Variants in TMEM18 observed in about 807,000 individuals in gnomAD.
TMEM18 encodes the protein transmembrane protein 18.
TMEM18 carries 14 observed loss-of-function variants against 17.4 expected under a neutral mutation model. The ratio of observed to expected loss-of-function variants is 0.80; its 90% CI spans 0.53 to 1.25. The LOEUF is 1.25. TMEM18 is among the 50% of genes most tolerant of loss of function. The pLI, the probability that TMEM18 is intolerant of heterozygous loss-of-function variation, is 0.00. For missense variants in TMEM18, 187 were observed against 172.1 expected, an observed-to-expected ratio of 1.09 and a Z score of -0.48; for synonymous variants, 86 against 66.1, an observed-to-expected ratio of 1.30 and a Z score of -1.46.
Position 666,310 on chromosome 2 carries a change from C to T in TMEM18, c.*3270G>A, listed in dbSNP as rs1275808997. Among the ~76,000 whole-genome samples the T allele has an allele frequency of 6.6e-6, 1 of 152,188 alleles. No individual in the cohort carries two copies. Among genetic ancestry groups the T allele is most frequent in the Non-Finnish European group, 1.5e-5 (1 of 68,038 alleles). ...AGGCTGCAGGGAGCTCCTTCTCTGT[C>T]CTCAGGTTCCTTTCAGGGCCTGTGC... is the stretch of plus-strand genomic sequence containing the variant. On this transcript the variant is annotated 3_prime_UTR_variant, in exon 5 of 5. Coordinates refer to ENST00000281017, the MANE Select transcript of TMEM18 (RefSeq NM_152834.4).
Position 664,406 on chromosome 2 carries a change from T to G in TMEM18, c.*5174A>C, listed in dbSNP as rs1678622716. Among the ~76,000 whole-genome samples, 1 of 152,018 alleles carries G rather than the reference T, an allele frequency of 6.6e-6. No homozygotes were observed. Among genetic ancestry groups the G allele is most frequent in the African/African-American group, 2.4e-5 (1 of 41,446 alleles). ...GTAACACATATTTCTGCCCTATATG[T>G]GTTACCAATTTTAACACATAAAATT... On this transcript the variant is annotated 3_prime_UTR_variant, in exon 5 of 5. Coordinates refer to ENST00000281017, the MANE Select transcript of TMEM18 (RefSeq NM_152834.4).
intron 3 of TMEM18, among the ~76,000 whole-genome samples, 179 bp downstream of exon 3, chr2:672,629 C>T (rs763807952): frequency 1.3e-4 from 20 of 152,254 alleles, no homozygotes; most frequent in African/African-American, 3.6e-4. Context: ...GCCACTGTGG[C>T]GCTGGTAAAG....
chr2:669,861 A>T lies in TMEM18; in HGVS notation c.234-11T>A, dbSNP rs1307485418. On this transcript the variant is annotated splice_polypyrimidine_tract_variant and intron_variant, in intron 3 of 4. Transcript: ENST00000281017. The stretch of plus-strand genomic sequence containing the variant: ...TATTTCGAAAATAATCTGTTTAAAA[A>T]ACAAAAACAAAAAATTACTAGGCAA... 6.2e-7 allele frequency: 1 copy of T among 1,601,432 alleles called. No individual in the cohort carries two copies. The highest frequency in any genetic ancestry group is 8.5e-7 in the Non-Finnish European group (1 of 1,174,190).
At chr2:673,072 C>T (rs1353893770) in intron 2 of TMEM18, among the ~76,000 whole-genome samples, 1 of 152,206 alleles carries the variant, frequency 6.6e-6, no homozygotes, top group African/African-American at 2.4e-5. Context: ...TTCTCCAATG[C>T]TCTATGGTCT....
intron 2 of TMEM18, 121 bp from the exon 3 acceptor site, chr2:672,983 C>T (rs1678895205): frequency 1.1e-6 from 1 of 932,636 alleles, no homozygotes; most frequent in African/African-American, 1.8e-5. Flanking sequence ...AACATAACAT[C>T]AGGTAAACAT....
intron 3 of TMEM18, among the ~76,000 whole-genome samples, 161 bp downstream of exon 3, chr2:672,647 G>T (rs954984839): frequency 6.6e-6 from 1 of 152,224 alleles, no homozygotes; most frequent in Non-Finnish European, 1.5e-5. Flanking sequence ...AAGCATTTAC[G>T]GAGTCACCCT....
rs780560185 is a variant in TMEM18, at chr2:672,854, C to CT, written c.186dup (p.Val63SerfsTer5). On this transcript the variant is annotated frameshift_variant, in exon 3 of 5. Coordinates refer to ENST00000281017, the MANE Select transcript of TMEM18 (RefSeq NM_152834.4). LOFTEE classifies it high-confidence loss of function. ...TCATTGATGTATTCAGCACAGTAGA[C>CT]TAAGATGACTGAAAAAAGGTACAAG... 22 of 1,508,402 alleles carry CT rather than the reference C, an allele frequency of 1.5e-5. No individual in the cohort carries two copies. The South Asian group carries it at 3.1e-4, about 21-fold the overall frequency. 93.4% of individuals were successfully genotyped at this position (1,508,402 alleles called of 1,614,324 possible).
chr2:666,147 T>C lies in TMEM18; in HGVS notation c.*3433A>G, dbSNP rs923012538. On this transcript the variant is annotated 3_prime_UTR_variant, in exon 5 of 5. Transcript: ENST00000281017. Reference sequence around the variant, plus strand: ...ACAACAGGGCCCATGGAGGCTGACATCCAGCTCGCTCAGATGGAGCAGGAG... The same window carrying C: ...ACAACAGGGCCCATGGAGGCTGACACCCAGCTCGCTCAGATGGAGCAGGAG... Among the ~76,000 whole-genome samples the C allele has an allele frequency of 6.6e-6, 1 of 152,226 alleles. No homozygotes were observed.
chr2:677,125 CCACTCCCACAG>C, intron 1 of TMEM18, 153 bp downstream of exon 1: 1 of 832,150 alleles, frequency 1.2e-6, no homozygotes, highest in East Asian at 2.9e-5. Context: ...CGGCCCCGAG[CCACTCCCACAG>C]GTCTCAGGAC....
In TMEM18 at chr2:676,382, A is replaced by AGCCCTGCCCTCCAAGCTGCAGCCCC. The variant is rs925316268; in HGVS notation, c.58-777_58-753dup. On this transcript the variant is annotated intron_variant, in intron 1 of 4. Coordinates refer to ENST00000281017, the MANE Select transcript of TMEM18 (RefSeq NM_152834.4). ...CTTGAGCGCCCTCCTGCAGAAGACA[A>AGCCCTGCCCTCCAAGCTGCAGCCCC]GCCCTGCCCTCCAAGCTGCAGCCCC... The AGCCCTGCCCTCCAAGCTGCAGCCCC allele has an allele frequency of 4.9e-4, 671 of 1,368,694 alleles. 2 individuals carry two copies. The highest frequency in any genetic ancestry group is 9.1e-4 in the Admixed American group (38 of 41,754). The allele number at this position is 1,368,694 out of a possible 1,614,324, so 84.8% of individuals were successfully genotyped here. A position where few individuals can be genotyped will look rare whatever the true frequency, so the allele number is the denominator to read the frequency against.
In TMEM18 at chr2:668,056, G is replaced by C. The variant is rs1000305451; in HGVS notation, c.*1524C>G. The C allele has an allele frequency of 1.3e-5, 2 of 152,356 alleles. No homozygotes were observed. Among genetic ancestry groups the C allele is most frequent in the Non-Finnish European group, 2.9e-5 (2 of 68,048 alleles). 9.4% of individuals were successfully genotyped at this position (152,356 alleles called of 1,614,324 possible). A position where few individuals can be genotyped will look rare whatever the true frequency, so the allele number is the denominator to read the frequency against. The stretch of plus-strand genomic sequence containing the variant: ...GAAACTTACAATCATGGCAGAGGGA[G>C]AAACAAGCACCTTCTTCACAAGGCA... On this transcript the variant is annotated 3_prime_UTR_variant, in exon 5 of 5. Transcript: ENST00000281017.
Position 676,319 on chromosome 2 carries a change from T to C in TMEM18, c.58-689A>G, listed in dbSNP as rs2103095362. On this transcript the variant is annotated intron_variant, in intron 1 of 4. Coordinates refer to ENST00000281017, the MANE Select transcript of TMEM18 (RefSeq NM_152834.4). ...GCTCAGTCCCCACCTGATGCTCAGA[T>C]GCCAATCCCAGCAGTCCTCAACCCT... 4 of 1,485,274 alleles carry C rather than the reference T, an allele frequency of 2.7e-6. No homozygotes were observed. In the East Asian group the frequency reaches 1.0e-4, roughly 39 times the overall value. The allele number at this position is 1,485,274 out of a possible 1,614,324, so 92.0% of individuals were successfully genotyped here. A position where few individuals can be genotyped will look rare whatever the true frequency, so the allele number is the denominator to read the frequency against.
At position 667,073 on chromosome 2, in the gene TMEM18, C is replaced by T. The variant is rs1678712809; in HGVS notation, c.*2507G>A. Among the ~76,000 whole-genome samples the T allele has an allele frequency of 6.7e-6, 1 of 148,304 alleles. No individual in the cohort carries two copies. The highest frequency in any genetic ancestry group is 2.5e-5 in the African/African-American group (1 of 39,972). The stretch of plus-strand genomic sequence containing the variant: ...AAGGGCAAGAACATGTTAACATTTC[C>T]TTGCCACTTTACTTCTCACAGAAGC... On this transcript the variant is annotated 3_prime_UTR_variant, in exon 5 of 5. Coordinates refer to ENST00000281017, the MANE Select transcript of TMEM18 (RefSeq NM_152834.4).
At chr2:674,857 C>T (rs961403245) in intron 2 of TMEM18, among the ~76,000 whole-genome samples, 38 of 152,376 alleles carry the variant, frequency 2.5e-4, no homozygotes, top group African/African-American at 8.9e-4. Context: ...TAACGCTCAG[C>T]ATCAGAAGTG....
intron 3 of TMEM18, among the ~76,000 whole-genome samples, chr2:672,081 G>A (rs550725926): frequency 6.6e-6 from 1 of 152,330 alleles, no homozygotes; most frequent in South Asian, 2.1e-4. Flanking sequence ...CCCTTTCGGT[G>A]AGGGCCCAAG....
intron 1 of TMEM18, 172 bp downstream of exon 1, chr2:677,117 G>A (rs1659273371): frequency 2.6e-6 from 2 of 775,198 alleles, no homozygotes; most frequent in Non-Finnish European, 4.0e-6. Flanking sequence ...CCCGACGCCG[G>A]CCCCGAGCCA....
chr2:669,868 AC>A lies in TMEM18; in HGVS notation c.234-19del. The A allele has an allele frequency of 6.3e-7, 1 of 1,592,432 alleles. No individual in the cohort carries two copies. Reference sequence around the variant, plus strand: ...AAAATAATCTGTTTAAAAAACAAAAACAAAAAATTACTAGGCAATACAACCA... The same window carrying A: ...AAAATAATCTGTTTAAAAAACAAAAAAAAAAATTACTAGGCAATACAACCA... On this transcript the variant is annotated intron_variant, in intron 3 of 4. Coordinates refer to ENST00000281017, the MANE Select transcript of TMEM18 (RefSeq NM_152834.4).
chr2:673,702 A>G (rs986712420), intron 2 of TMEM18, among the ~76,000 whole-genome samples: 50 of 142,486 alleles, frequency 3.5e-4, no homozygotes, highest in Non-Finnish European at 6.6e-4. Flanking sequence ...GAGGAAAAGA[A>G]TGCACAGGGA....
chr2:676,524 G>A (rs1659224350), intron 1 of TMEM18: 3 of 1,543,794 alleles, frequency 1.9e-6, no homozygotes, highest in African/African-American at 1.4e-5. Flanking sequence ...CTCCAGAGCC[G>A]CGCCATGACA....
Sources: gnomAD v4.1 joint callset for allele counts (sites outside exome capture counted in the v4.1 genomes callset) on GRCh38, gnomAD v4.1.1 for gene constraint, MANE v1.5 for transcripts, NCBI Gene and HGNC (gene_info 2026-07-23, HGNC 2026-07-21) for gene names.